RASA1: variants seen among roughly 807,000 people sequenced by gnomAD.
The protein encoded by RASA1 is ras GTPase-activating protein 1.
Under a neutral mutation model 132.2 loss-of-function variants are expected in RASA1, and 25 were observed. The observed-to-expected ratio is 0.19, with a 90% confidence interval of 0.14 to 0.26. The LOEUF (loss-of-function observed/expected upper bound fraction) is 0.26. Among genes scored for constraint, RASA1 ranks in the 10% least tolerant of loss-of-function variants. The pLI, the probability that RASA1 is intolerant of heterozygous loss-of-function variation, is 1.00. For missense variants in RASA1, 964 were observed against 1,299.2 expected (o/e 0.74, Z 3.97); for synonymous variants, 477 against 449.9 (o/e 1.06, Z -0.76).
chr5:87,287,202 C>A (rs1263369534), intron 1 of RASA1, among the ~76,000 whole-genome samples: 1 of 145,154 alleles, frequency 6.9e-6, no homozygotes, highest in African/African-American at 2.5e-5. Context: ...CGTATATACA[C>A]ACCATATATA....
intron 10 of RASA1, among the ~76,000 whole-genome samples, chr5:87,362,906 C>CT (rs879684008): frequency 2.1e-3 from 295 of 140,054 alleles, no homozygotes; most frequent in South Asian, 5.4e-3. Context: ...TTCTTTCTTT[C>CT]TTTTTTTTTT....
chr5:87,356,262 T>C (rs1759641056), intron 9 of RASA1, among the ~76,000 whole-genome samples: 1 of 152,030 alleles, frequency 6.6e-6, no homozygotes, highest in Non-Finnish European at 1.5e-5. Context: ...TTTTAAGAAA[T>C]TGCCACAACC....
At position 87,363,477 on chromosome 5, in the gene RASA1, A is replaced by G. The variant is rs145752649; in HGVS notation, c.1583A>G (p.Tyr528Cys). ...ATAGATCTCAGTGTATGTTCTGTCT[A>G]TGTCGTTCATGATAGTCTCTTTGGC... ...GLIDLSVCSV[Y>C]VVHDSLFGRP... Residue 528 changes from tyrosine to cysteine, a missense_variant, in exon 11 of 25, where the codon TAT (tyrosine) becomes TGT (cysteine). This residue lies in a region of RASA1 where 346 missense variants were observed against 520.1 expected (regional missense o/e 0.67). Coordinates refer to ENST00000274376, the MANE Select transcript of RASA1 (RefSeq NM_002890.3). 1.2e-3 allele frequency: 1,922 copies of G among 1,612,446 alleles called. 15 individuals carry two copies. Among genetic ancestry groups the G allele is most frequent in the South Asian group, 9.8e-3 (894 of 91,046 alleles).
Position 87,379,814 on chromosome 5 carries a change from T to C in RASA1, c.2567T>C (p.Val856Ala), listed in dbSNP as rs768210175. 1 of 1,612,864 alleles carries C rather than the reference T, an allele frequency of 6.2e-7. No individual in the cohort carries two copies. The highest frequency in any genetic ancestry group is 1.1e-5 in the South Asian group (1 of 91,064). ...CTATTGAACATACTTTCAGAGCTTG[T>C]GGAGAAAATATTCATGGCTTCAGAA... ...THLLNILSEL[V>A]EKIFMASEIL... Residue 856 changes from valine to alanine, a missense_variant, in exon 19 of 25, where the codon GTG (valine) becomes GCG (alanine). By Grantham distance (64) the Val-to-Ala change is moderately conservative. This residue lies in a region of RASA1 where 346 missense variants were observed against 520.1 expected (regional missense o/e 0.67). Transcript: ENST00000274376.
intron 1 of RASA1, 21 bp downstream of exon 1, chr5:87,269,011 AG>A (rs1202633266): frequency 6.2e-7 from 1 of 1,614,126 alleles, no homozygotes; most frequent in Non-Finnish European, 8.5e-7. Flanking sequence ...ACTGCTGTTC[AG>A]GAATTTGGGA....
chr5:87,287,351 A>T (rs1371522182), intron 1 of RASA1, among the ~76,000 whole-genome samples: 1 of 147,680 alleles, frequency 6.8e-6, no homozygotes, highest in Admixed American at 6.8e-5. Flanking sequence ...TATATACCAT[A>T]TATACACCAT....
At chr5:87,344,338 A>C (rs2112407839) in intron 6 of RASA1, among the ~76,000 whole-genome samples, 1 of 152,250 alleles carries the variant, frequency 6.6e-6, no homozygotes, top group Non-Finnish European at 1.5e-5. Flanking sequence ...ATTACCCATA[A>C]AAACAGAAAA....
Position 87,268,861 on chromosome 5 carries a change from TGCCCCCTCC to T in RASA1, c.411_419del (p.Pro139_Pro141del), listed in dbSNP as rs763498473. 3 of 1,613,948 alleles carry T rather than the reference TGCCCCCTCC, an allele frequency of 1.9e-6. No homozygotes were observed. In the South Asian group the frequency reaches 3.3e-5, roughly 18 times the overall value. The stretch of plus-strand genomic sequence containing the variant: ...GGGCCAGGCGGCGGTTTTCCCCCTC[TGCCCCCTCC>T]CCCTTACCTGCCCCCTTTGGGGGCG... On this transcript the variant is annotated inframe_deletion, in exon 1 of 25. Transcript: ENST00000274376.
intron 1 of RASA1, among the ~76,000 whole-genome samples, chr5:87,308,194 A>G (rs183821963): frequency 8.6e-4 from 130 of 151,804 alleles, no homozygotes; most frequent in Admixed American, 3.9e-3. Context: ...TCCTCCTGAG[A>G]ATTCATGCAA....
chr5:87,372,218 T>A (rs1369786459), intron 13 of RASA1, 23 bp downstream of exon 13: 1 of 1,601,622 alleles, frequency 6.2e-7, no homozygotes, highest in Non-Finnish European at 8.6e-7. Flanking sequence ...TTTCTTGGAT[T>A]TTTAATTGTC....
At chr5:87,306,270 T>A (rs1755605628) in intron 1 of RASA1, among the ~76,000 whole-genome samples, 1 of 152,188 alleles carries the variant, frequency 6.6e-6, no homozygotes, top group Non-Finnish European at 1.5e-5. Context: ...ATATATACCA[T>A]GGAATACTAT....
chr5:87,325,700 T>C (rs1757179235), intron 1 of RASA1, among the ~76,000 whole-genome samples: 1 of 152,248 alleles, frequency 6.6e-6, no homozygotes, highest in Non-Finnish European at 1.5e-5. Flanking sequence ...AACTTCAATT[T>C]AGTTTTCTTT....
chr5:87,378,579 A>G (rs767371695), intron 18 of RASA1, 41 bp downstream of exon 18: 20 of 1,537,350 alleles, frequency 1.3e-5, no homozygotes, highest in African/African-American at 4.1e-5. Flanking sequence ...TGCAAAGAAC[A>G]TATTTTAATA....
At chr5:87,276,194 C>G (rs928929706) in intron 1 of RASA1, among the ~76,000 whole-genome samples, 1 of 151,924 alleles carries the variant, frequency 6.6e-6, no homozygotes, top group Non-Finnish European at 1.5e-5. Context: ...TTCCTTCAGG[C>G]CCAGCAAGCT....
At chr5:87,282,241 A>G (rs974183433) in intron 1 of RASA1, among the ~76,000 whole-genome samples, 2 of 152,042 alleles carry the variant, frequency 1.3e-5, no homozygotes, top group Admixed American at 6.5e-5. Flanking sequence ...CTTATTCTTT[A>G]AAGGTATGTC....
chr5:87,383,643 A>T, intron 20 of RASA1, 70 bp from the exon 21 acceptor site: 2 of 1,185,044 alleles, frequency 1.7e-6, no homozygotes, highest in South Asian at 1.4e-5. Context: ...GTTTATATAT[A>T]TTGTTTTAAT....
At chr5:87,281,790 A>G (rs1053027805) in intron 1 of RASA1, among the ~76,000 whole-genome samples, 1 of 152,162 alleles carries the variant, frequency 6.6e-6, no homozygotes, top group Non-Finnish European at 1.5e-5. Context: ...CATGTTGGCC[A>G]GGATGGTCTT....
chr5:87,282,073 CTT>C (rs1349249925), intron 1 of RASA1, among the ~76,000 whole-genome samples: 1 of 151,504 alleles, frequency 6.6e-6, no homozygotes, highest in African/African-American at 2.4e-5. Context: ...TTGTTTTTTT[CTT>C]TTGTTGCCTA....
chr5:87,310,205 T>G (rs2112302599), intron 1 of RASA1, among the ~76,000 whole-genome samples: 1 of 152,256 alleles, frequency 6.6e-6, no homozygotes, highest in African/African-American at 2.4e-5. Flanking sequence ...TTTCTGAAAT[T>G]GTGTTAAAGA....
Sources: gnomAD v4.1 joint callset for allele counts (sites outside exome capture counted in the v4.1 genomes callset) on GRCh38, gnomAD v4.1.1 for gene constraint, gnomAD v4.1.1 regional missense constraint, MANE v1.5 for transcripts, NCBI Gene and HGNC (gene_info 2026-07-23, HGNC 2026-07-21) for gene names.